Variants in TBC1D5 observed in about 807,000 individuals in gnomAD.
TBC1D5 encodes the protein TBC1 domain family member 5.
In TBC1D5, 75 loss-of-function variants were observed where a neutral mutation model predicts 100.3. The observed-to-expected ratio is 0.75, with a 90% CI of 0.62 to 0.91. TBC1D5 has a LOEUF of 0.91. Ranked by LOEUF, TBC1D5 falls within the 40% of genes least tolerant of loss-of-function variation. The pLI is 0.00. For synonymous variants in TBC1D5, 323 were observed against 325.6 expected (o/e 0.99, Z 0.09); for missense variants, 910 against 942.4 (o/e 0.97, Z 0.45).
At chr3:17,225,583 C>T (rs916781401) in intron 17 of TBC1D5, among the ~76,000 whole-genome samples, 1 of 152,110 alleles carries the variant, frequency 6.6e-6, no homozygotes, top group South Asian at 2.1e-4. Context: ...TGGAGGATTG[C>T]CTGAGCCCAG....
chr3:17,715,502 T>G (rs1013416253), intron 1 of TBC1D5, among the ~76,000 whole-genome samples: 1 of 152,140 alleles, frequency 6.6e-6, no homozygotes, highest in African/African-American at 2.4e-5. Context: ...AAAAGAAGGA[T>G]CTATCAAAGT....
At chr3:17,594,691 G>A (rs1286405759) in intron 2 of TBC1D5, among the ~76,000 whole-genome samples, 1 of 152,154 alleles carries the variant, frequency 6.6e-6, no homozygotes, top group African/African-American at 2.4e-5. Flanking sequence ...TTAACTATAT[G>A]TAATAGTATT....
chr3:17,521,319 CAGCCTACTCAATGTGA>C (rs1405978890), intron 2 of TBC1D5, among the ~76,000 whole-genome samples: 1 of 152,190 alleles, frequency 6.6e-6, no homozygotes. Flanking sequence ...ACCTCCTCCT[CAGCCTACTCAATGTGA>C]AGCCAACAAG....
At chr3:17,670,852 A>G (rs990579848) in intron 1 of TBC1D5, among the ~76,000 whole-genome samples, 1 of 152,310 alleles carries the variant, frequency 6.6e-6, no homozygotes, top group Admixed American at 6.5e-5. Flanking sequence ...TTCCTTTCCA[A>G]CCTAAATAAA....
intron 13 of TBC1D5, among the ~76,000 whole-genome samples, chr3:17,309,379 A>G (rs1331819261): frequency 6.6e-6 from 1 of 152,002 alleles, no homozygotes; most frequent in East Asian, 1.9e-4. Flanking sequence ...AACTACATCA[A>G]TTACTCAATT....
intron 1 of TBC1D5, among the ~76,000 whole-genome samples, chr3:17,694,871 GA>G (rs1577539903): frequency 6.6e-6 from 1 of 152,192 alleles, no homozygotes; most frequent in East Asian, 1.9e-4. Context: ...CCCACAAAAG[GA>G]AGCCCATCAG....
chr3:17,556,619 G>A (rs2096523734), intron 2 of TBC1D5, among the ~76,000 whole-genome samples: 1 of 152,128 alleles, frequency 6.6e-6, no homozygotes, highest in Non-Finnish European at 1.5e-5. Context: ...TTAATAGAAT[G>A]CAACTGATCA....
At chr3:17,536,631 G>A (rs368320287) in intron 2 of TBC1D5, among the ~76,000 whole-genome samples, 1 of 152,208 alleles carries the variant, frequency 6.6e-6, no homozygotes, top group East Asian at 1.9e-4. Flanking sequence ...AAGAGGTCCT[G>A]AGAAAGTGCG....
intron 15 of TBC1D5, among the ~76,000 whole-genome samples, chr3:17,265,631 G>A (rs1396754501): frequency 2.6e-5 from 4 of 152,168 alleles, no homozygotes; most frequent in African/African-American, 9.7e-5. Context: ...AAGCATTACA[G>A]GGTTATGCAA....
chr3:17,622,996 C>G (rs1450787828), intron 2 of TBC1D5, among the ~76,000 whole-genome samples: 1 of 152,196 alleles, frequency 6.6e-6, no homozygotes, highest in Admixed American at 6.6e-5. Context: ...AATTAACTGT[C>G]TGTCTACTCC....
chr3:17,647,567 G>C (rs2065126388), intron 1 of TBC1D5, among the ~76,000 whole-genome samples: 1 of 152,040 alleles, frequency 6.6e-6, no homozygotes, highest in South Asian at 2.1e-4. Context: ...CAGACAAAGG[G>C]AAGAGCAAGT....
chr3:17,315,006 C>T (rs893026933), intron 13 of TBC1D5, among the ~76,000 whole-genome samples: 7 of 152,204 alleles, frequency 4.6e-5, no homozygotes, highest in Admixed American at 4.6e-4. Flanking sequence ...AGGCATCTGC[C>T]ACTGTGCCCA....
At position 17,662,968 on chromosome 3, in the gene TBC1D5, A is replaced by G. The variant is rs1577312182; in HGVS notation, c.-100-39055T>C. On this transcript the variant is annotated intron_variant, in intron 1 of 21. Transcript: ENST00000253692. ...TCTTACTGGGGTTCATGGGCAAAAA[A>G]ATGGAATGAACAGCACTGTACCAGA... The G allele has an allele frequency of 3.3e-5, 5 of 152,300 alleles. No homozygotes were observed. The South Asian group carries it at 1.0e-3, about 32-fold the overall frequency. 9.4% of individuals were successfully genotyped at this position (152,300 alleles called of 1,614,324 possible). A position where few individuals can be genotyped will look rare whatever the true frequency, so the allele number is the denominator to read the frequency against.
chr3:17,332,165 A>C (rs916355007), intron 13 of TBC1D5, among the ~76,000 whole-genome samples: 1 of 152,176 alleles, frequency 6.6e-6, no homozygotes, highest in Non-Finnish European at 1.5e-5. Flanking sequence ...AGAAGAGTGA[A>C]GTGGCCTGGT....
chr3:17,518,145 G>A (rs542017166), intron 2 of TBC1D5, among the ~76,000 whole-genome samples: 12 of 152,222 alleles, frequency 7.9e-5, no homozygotes, highest in Middle Eastern at 3.4e-3. Flanking sequence ...GATAGGGACC[G>A]GGGGCAGAGA....
At chr3:17,646,427 T>C (rs894155964) in intron 1 of TBC1D5, among the ~76,000 whole-genome samples, 13 of 152,146 alleles carry the variant, frequency 8.5e-5, no homozygotes, top group African/African-American at 1.2e-4. Flanking sequence ...TTGGACTCAA[T>C]TTTCTACCAT....
At chr3:17,261,418 C>T (rs1009589445) in intron 15 of TBC1D5, among the ~76,000 whole-genome samples, 8 of 138,884 alleles carry the variant, frequency 5.8e-5, no homozygotes, top group Non-Finnish European at 1.2e-4. Context: ...GAGCGGAATT[C>T]TCACTTTATG....
chr3:17,555,407 G>A (rs1384815006), intron 2 of TBC1D5, among the ~76,000 whole-genome samples: 1 of 152,214 alleles, frequency 6.6e-6, no homozygotes, highest in Middle Eastern at 3.4e-3. Context: ...CCAGAAAGGC[G>A]GGGCATCTCA....
chr3:17,161,179 C>A (rs1020246958), exon 22 of TBC1D5: 33 of 1,614,016 alleles, frequency 2.0e-5, no homozygotes, highest in Non-Finnish European at 2.6e-5. Flanking sequence ...TGGCACTGCT[C>A]CCATCATCAT....
Sources: allele counts gnomAD v4.1 joint callset (sites outside exome capture counted in the v4.1 genomes callset), GRCh38; gene constraint gnomAD v4.1.1; transcripts MANE v1.5; gene names NCBI Gene and HGNC (gene_info 2026-07-23, HGNC 2026-07-21).